SENP2: variants seen among roughly 807,000 people sequenced by gnomAD.
SENP2 encodes SUMO specific peptidase 2.
In SENP2, 16 loss-of-function variants were observed where a neutral mutation model predicts 86.3. The ratio of observed to expected loss-of-function variants is 0.19; its 90% confidence interval spans 0.13 to 0.28. SENP2 has a LOEUF of 0.28. Among genes scored for constraint, SENP2 ranks in the 10% least tolerant of loss-of-function variants. SENP2 has a pLI of 1.00. For missense variants in SENP2, 552 were observed against 703.0 expected (o/e 0.79, Z 2.43); for synonymous variants, 222 against 238.7 (o/e 0.93, Z 0.64).
chr3:185,589,409 T>G (rs994979740), intron 1 of SENP2, among the ~76,000 whole-genome samples: 1 of 152,246 alleles, frequency 6.6e-6, no homozygotes, highest in African/African-American at 2.4e-5. Flanking sequence ...TGGGGATCAT[T>G]TTCAAAAGGA....
chr3:185,598,899 G>C, intron 3 of SENP2, 59 bp from the exon 4 acceptor site: 1 of 1,330,062 alleles, frequency 7.5e-7, no homozygotes, highest in South Asian at 1.2e-5. Context: ...TTTCATAATA[G>C]AAAGTTATTT....
rs1469518120 is a variant in SENP2, at chr3:185,619,295, G to A, written c.1243-4G>A. ...CCAGCTTTTGCTCCCTTGGTATTTT[G>A]TAGGTCATTAATTTTTACATGAATC... On this transcript the variant is annotated splice_region_variant and splice_polypyrimidine_tract_variant and intron_variant, in intron 12 of 16. Transcript: ENST00000296257. 6 of 1,607,302 alleles carry A rather than the reference G, an allele frequency of 3.7e-6. No individual in the cohort carries two copies. The South Asian group carries it at 6.6e-5, about 18-fold the overall frequency.
At chr3:185,591,492 C>T (rs1035946266) in intron 2 of SENP2, among the ~76,000 whole-genome samples, 33 of 151,464 alleles carry the variant, frequency 2.2e-4, no homozygotes, top group African/African-American at 7.5e-4. Flanking sequence ...GCTGGGACTA[C>T]AGGCGCCCGC....
chr3:185,607,453 C>T (rs561664540), intron 6 of SENP2, among the ~76,000 whole-genome samples: 6 of 151,590 alleles, frequency 4.0e-5, no homozygotes, highest in Admixed American at 6.6e-5. Context: ...CTCAGCCTCC[C>T]AAGTAGCTGG....
At chr3:185,587,886 CACT>C (rs1721847213) in intron 1 of SENP2, among the ~76,000 whole-genome samples, 1 of 151,036 alleles carries the variant, frequency 6.6e-6, no homozygotes. Context: ...AGGCGCCTGC[CACT>C]GCACCCGGCT....
In SENP2 at chr3:185,629,867, A is replaced by G; in HGVS notation, c.*23A>G. The G allele has an allele frequency of 1.2e-6, 2 of 1,611,756 alleles. No individual in the cohort carries two copies. The highest frequency in any genetic ancestry group is 1.1e-5 in the South Asian group (1 of 91,040). ...TGAGAAAACTTTGCCTGGTCCCTCT[A>G]GCTGCTGGTGGTTCTTTCACAGACA... On this transcript the variant is annotated 3_prime_UTR_variant, in exon 17 of 17. Coordinates refer to ENST00000296257, the MANE Select transcript of SENP2 (RefSeq NM_021627.3).
intron 5 of SENP2, among the ~76,000 whole-genome samples, chr3:185,602,955 C>T (rs1722396299): frequency 7.1e-6 from 1 of 141,570 alleles, no homozygotes; most frequent in Admixed American, 7.2e-5. Flanking sequence ...CTCTGTCACC[C>T]AGGCTGGAGT....
intron 5 of SENP2, among the ~76,000 whole-genome samples, chr3:185,605,646 T>C (rs1484121011): frequency 2.0e-5 from 3 of 152,138 alleles, no homozygotes; most frequent in Non-Finnish European, 4.4e-5. Context: ...TACTGATGAT[T>C]TGTTTCAGAT....
chr3:185,589,775 C>T (rs1721915714), intron 1 of SENP2, among the ~76,000 whole-genome samples: 1 of 152,136 alleles, frequency 6.6e-6, no homozygotes, highest in Non-Finnish European at 1.5e-5. Flanking sequence ...CTCAAGTGAT[C>T]CTCCTGCCTT....
At chr3:185,602,550 A>G (rs1722377951) in intron 5 of SENP2, among the ~76,000 whole-genome samples, 1 of 152,190 alleles carries the variant, frequency 6.6e-6, no homozygotes, top group South Asian at 2.1e-4. Context: ...ATAAAATTAG[A>G]AAATCACCAT....
At chr3:185,593,329 C>A in intron 2 of SENP2, among the ~76,000 whole-genome samples, 2 of 152,162 alleles carry the variant, frequency 1.3e-5, no homozygotes, top group Admixed American at 1.3e-4. Flanking sequence ...AGGCTGATCT[C>A]GAACTCCTGG....
intron 1 of SENP2, among the ~76,000 whole-genome samples, chr3:185,588,792 G>T (rs1721883935): frequency 6.6e-6 from 1 of 152,170 alleles, no homozygotes. Context: ...GGGGCCTTTT[G>T]CAGAGTCTGG....
intron 12 of SENP2, 75 bp downstream of exon 12, chr3:185,617,686 A>G: frequency 7.5e-7 from 1 of 1,330,028 alleles, no homozygotes. Context: ...AGTGACTCCT[A>G]CCCAGTTATA....
At chr3:185,624,382 C>T (rs775072169) in intron 15 of SENP2, among the ~76,000 whole-genome samples, 13 of 152,076 alleles carry the variant, frequency 8.5e-5, no homozygotes, top group Non-Finnish European at 1.6e-4. Flanking sequence ...AAAATGGGTG[C>T]TTAGCTTTCA....
intron 11 of SENP2, 47 bp downstream of exon 11, chr3:185,614,787 AC>A: frequency 1.3e-6 from 2 of 1,565,164 alleles, no homozygotes; most frequent in Non-Finnish European, 1.7e-6. Context: ...TCTTTAAATA[AC>A]CTCAGTTATT....
chr3:185,623,909 C>T, intron 14 of SENP2, 89 bp from the exon 15 acceptor site: 2 of 513,022 alleles, frequency 3.9e-6, no homozygotes, highest in Non-Finnish European at 3.4e-6. Context: ...AATGGCATAT[C>T]TGTTTAACAT....
chr3:185,587,925 G>A (rs1455109252), intron 1 of SENP2, among the ~76,000 whole-genome samples: 2 of 150,078 alleles, frequency 1.3e-5, no homozygotes, highest in African/African-American at 2.5e-5. Flanking sequence ...TTTTTTAGTA[G>A]AGACGGGGTT....
At chr3:185,588,099 C>T (rs1250278274) in intron 1 of SENP2, among the ~76,000 whole-genome samples, 2 of 132,338 alleles carry the variant, frequency 1.5e-5, no homozygotes, top group East Asian at 2.3e-4. Context: ...GCTCTGTCGC[C>T]CAGGCTGGAG....
intron 1 of SENP2, among the ~76,000 whole-genome samples, chr3:185,587,202 G>A (rs540961139): frequency 1.3e-4 from 20 of 152,128 alleles, no homozygotes; most frequent in African/African-American, 4.6e-4. Flanking sequence ...GTGCGATCTC[G>A]GCTTACCGCA....
Sources: allele counts gnomAD v4.1 joint callset (sites outside exome capture counted in the v4.1 genomes callset), GRCh38; gene constraint gnomAD v4.1.1; transcripts MANE v1.5; gene names NCBI Gene and HGNC (gene_info 2026-07-23, HGNC 2026-07-21).